The following PKDCC variants were observed in gnomAD, a reference collection of about 807,000 sequenced individuals.
PKDCC encodes extracellular tyrosine-protein kinase PKDCC.
PKDCC carries 35 observed loss-of-function variants against 44.7 expected under a neutral mutation model. The ratio of observed to expected loss-of-function variants is 0.78; its 90% CI spans 0.60 to 1.04. The LOEUF (loss-of-function observed/expected upper bound fraction) is 1.04. Among genes scored for constraint, PKDCC ranks in the 50% least tolerant of loss-of-function variants. PKDCC has a pLI of 0.00. For synonymous variants in PKDCC, 353 were observed against 303.3 expected, an observed-to-expected ratio of 1.16 and a Z score of -1.70; for missense variants, 738 against 672.7, an observed-to-expected ratio of 1.10 and a Z score of -1.07.
At chr2:42,057,463 C>T (rs1417383101) in intron 6 of PKDCC, 69 bp downstream of exon 6, 3 of 1,594,896 alleles carry the variant, frequency 1.9e-6, no homozygotes, top group African/African-American at 2.7e-5. Context: ...AGATAGTGAT[C>T]CCCCATCGGA....
At position 42,052,424 on chromosome 2, in the gene PKDCC, G is replaced by T. The variant is rs192997145; in HGVS notation, c.640-815G>T. ...AAGGATAATGTCCAACCGTATGCTC[G>T]CTTGTGTATTACCAAACAGCATTCT... On this transcript the variant is annotated intron_variant, in intron 1 of 6. Transcript: ENST00000294964. This position sits in a 1 kb window ranked among gnomAD's most constrained non-coding sequence, Gnocchi z 4.3. 6.6e-5 allele frequency among the ~76,000 whole-genome samples: 10 copies of T among 152,226 alleles called. No individual in the cohort carries two copies. Among genetic ancestry groups the T allele is most frequent in the African/African-American group, 2.4e-4 (10 of 41,518 alleles).
Position 42,058,509 on chromosome 2 carries a change from C to T in PKDCC, c.*821C>T, listed in dbSNP as rs988255472. Reference sequence around the variant, plus strand: ...AAAATTAGTTAATAAAATGATGTTTCACAGCAAACTCTTCCCTAATGACAG... The same window carrying T: ...AAAATTAGTTAATAAAATGATGTTTTACAGCAAACTCTTCCCTAATGACAG... On this transcript the variant is annotated 3_prime_UTR_variant, in exon 7 of 7. Transcript: ENST00000294964. This position sits in a 1 kb window ranked among gnomAD's most constrained non-coding sequence, Gnocchi z 4.2. 6.6e-6 allele frequency: 1 copy of T among 152,190 alleles called. No homozygotes were observed. Among genetic ancestry groups the T allele is most frequent in the African/African-American group, 2.4e-5 (1 of 41,436 alleles). The allele number at this position is 152,190 out of a possible 1,614,324, so 9.4% of individuals were successfully genotyped here.
intron 1 of PKDCC, 49 bp from the exon 2 acceptor site, chr2:42,053,190 T>TCCCCCCCCCC: frequency 3.3e-6 from 4 of 1,199,996 alleles, no homozygotes; most frequent in Non-Finnish European, 4.7e-6. Context: ...CCCTTCCCTG[T>TCCCCCCCCCC]CCCCACCCCC....
At chr2:42,050,630 C>T (rs542486833) in intron 1 of PKDCC, among the ~76,000 whole-genome samples, 1 of 152,296 alleles carries the variant, frequency 6.6e-6, no homozygotes. Flanking sequence ...AGTTTTCACC[C>T]TTCCCTCACC....
Position 42,051,007 on chromosome 2 carries a change from C to T in PKDCC, c.639+2169C>T, listed in dbSNP as rs1308972331. On this transcript the variant is annotated intron_variant, in intron 1 of 6. Coordinates refer to ENST00000294964, the MANE Select transcript of PKDCC (RefSeq NM_138370.3). This position sits in a 1 kb window ranked among gnomAD's most constrained non-coding sequence, Gnocchi z 4.2. ...TCTGAGTTATTTAAAATTTCAAAAC[C>T]ATTTGACTGTTTGCTGAACTGGGGA... 3.3e-5 allele frequency among the ~76,000 whole-genome samples: 5 copies of T among 152,084 alleles called. No homozygotes were observed. The highest frequency in any genetic ancestry group is 1.2e-4 in the African/African-American group (5 of 41,386).
In PKDCC at chr2:42,055,130, T is replaced by C; in HGVS notation, c.1114+110T>C. Reference sequence around the variant, plus strand: ...CAGCAGGGGTTCTAGAAACCATCACTTCCTAAGGTGGCATTCTGCCGCAAC... The same window carrying C: ...CAGCAGGGGTTCTAGAAACCATCACCTCCTAAGGTGGCATTCTGCCGCAAC... On this transcript the variant is annotated intron_variant, in intron 4 of 6. Transcript: ENST00000294964. This position sits in a 1 kb window ranked among gnomAD's most constrained non-coding sequence, Gnocchi z 4.5. 1 of 1,344,306 alleles carries C rather than the reference T, an allele frequency of 7.4e-7. No homozygotes were observed. 83.3% of individuals were successfully genotyped at this position (1,344,306 alleles called of 1,614,324 possible). A position where few individuals can be genotyped will look rare whatever the true frequency, so the allele number is the denominator to read the frequency against.
chr2:42,056,501 G>A (rs939298761), intron 5 of PKDCC, among the ~76,000 whole-genome samples: 4 of 152,128 alleles, frequency 2.6e-5, no homozygotes, highest in Non-Finnish European at 5.9e-5. Flanking sequence ...TCTCCCCAAG[G>A]CCAGGAGAAA....
rs922195559 is a variant in PKDCC, at chr2:42,052,642, G to A, written c.640-597G>A. 1.3e-5 allele frequency among the ~76,000 whole-genome samples: 2 copies of A among 151,938 alleles called. No homozygotes were observed. Among genetic ancestry groups the A allele is most frequent in the Non-Finnish European group, 2.9e-5 (2 of 67,984 alleles). On this transcript the variant is annotated intron_variant, in intron 1 of 6. Transcript: ENST00000294964. The surrounding 1 kb of genome is among the most constrained non-coding windows in gnomAD (Gnocchi z 4.3). ...CAAGCGCCTGTAATCCCAGCTACTC[G>A]GGAGGCTGAGGCAGGAGAATCGCCC...
At chr2:42,056,059 G>A (rs1668048307) in intron 5 of PKDCC, among the ~76,000 whole-genome samples, 1 of 152,170 alleles carries the variant, frequency 6.6e-6, no homozygotes, top group Non-Finnish European at 1.5e-5. Flanking sequence ...TTAGGGGTGG[G>A]GGAGCCCTGT....
chr2:42,056,665 G>C (rs945554763), intron 5 of PKDCC, among the ~76,000 whole-genome samples: 4 of 151,964 alleles, frequency 2.6e-5, no homozygotes, highest in Non-Finnish European at 5.9e-5. Context: ...TCGGGAGGCT[G>C]AGATGGGAGG....
chr2:42,053,592 A>G (rs1368310302), intron 2 of PKDCC: 1 of 585,758 alleles, frequency 1.7e-6, no homozygotes, highest in Non-Finnish European at 2.9e-6. Context: ...GCGCGTGTAC[A>G]CACCAGCTTG....
At position 42,049,833 on chromosome 2, in the gene PKDCC, A is replaced by AG. The variant is rs1339287947; in HGVS notation, c.639+999dup. On this transcript the variant is annotated intron_variant, in intron 1 of 6. Transcript: ENST00000294964. ...CCTTTGCACATGTCTGAGCAAACAG[A>AG]GGGGAATCCCTGACCGCTGTTGGCC... is the stretch of plus-strand genomic sequence containing the variant. 2.6e-5 allele frequency among the ~76,000 whole-genome samples: 4 copies of AG among 152,058 alleles called. No individual in the cohort carries two copies. The East Asian group carries it at 5.8e-4, about 22-fold the overall frequency.
At chr2:42,057,530 A>G (rs1668077850) in intron 6 of PKDCC, 73 bp from the exon 7 acceptor site, 2 of 1,570,846 alleles carry the variant, frequency 1.3e-6, no homozygotes, top group African/African-American at 2.7e-5. Context: ...CAAGGCAGTC[A>G]AATTAGGGAG....
Position 42,048,935 on chromosome 2 carries a change from G to T in PKDCC, c.639+97G>T. 7.4e-7 allele frequency: 1 copy of T among 1,345,852 alleles called. No homozygotes were observed. The highest frequency in any genetic ancestry group is 9.6e-7 in the Non-Finnish European group (1 of 1,044,898). 83.4% of individuals were successfully genotyped at this position (1,345,852 alleles called of 1,614,324 possible). On this transcript the variant is annotated intron_variant, in intron 1 of 6. Transcript: ENST00000294964. The surrounding 1 kb of genome is among the most constrained non-coding windows in gnomAD (Gnocchi z 6.2). ...GAGAACCCCTTGATCTGGAGTGCCAGTGACTGCACCCAGGCTAAGCTAGAC... is the reference window on the plus strand; with the variant it reads ...GAGAACCCCTTGATCTGGAGTGCCATTGACTGCACCCAGGCTAAGCTAGAC...
Position 42,048,568 on chromosome 2 carries a change from C to G in PKDCC, c.369C>G (p.Ser123=), listed in dbSNP as rs1300598994. The change falls in exon 1 of 7, where the codon TCC becomes TCG. Residue 123 remains serine (S), a synonymous_variant. Coordinates refer to ENST00000294964, the MANE Select transcript of PKDCC (RefSeq NM_138370.3). The surrounding 1 kb of genome is among the most constrained non-coding windows in gnomAD (Gnocchi z 6.2). ...GGCCCCCGGCTCCCGGCCCAGGCTC[C>G]CCCGGCCCGGGCCCGCGCCTGGGCT... ...PGWPPAPGPG[S]PGPGPRLGCA... 8.9e-6 allele frequency: 12 copies of G among 1,348,034 alleles called. No individual in the cohort carries two copies. In the East Asian group the frequency reaches 1.8e-4, roughly 21 times the overall value. The allele number at this position is 1,348,034 out of a possible 1,614,324, so 83.5% of individuals were successfully genotyped here. A position where few individuals can be genotyped will look rare whatever the true frequency, so the allele number is the denominator to read the frequency against.
rs1668082315 is a variant in PKDCC at position 42,057,727 on chromosome 2, G to C, written c.*39G>C. 3 of 1,575,530 alleles carry C rather than the reference G, an allele frequency of 1.9e-6. No homozygotes were observed. Among genetic ancestry groups the C allele is most frequent in the Non-Finnish European group, 2.6e-6 (3 of 1,148,286 alleles). On this transcript the variant is annotated 3_prime_UTR_variant, in exon 7 of 7. Transcript: ENST00000294964. ...TCGGCTGACCAGCTGACTATCCTCA[G>C]CAGCTGGGCTTGCCTGTGGAGGGAG...
chr2:42,053,844 G>C (rs1668008507), intron 2 of PKDCC, among the ~76,000 whole-genome samples, 192 bp from the exon 3 acceptor site: 1 of 152,122 alleles, frequency 6.6e-6, no homozygotes, highest in African/African-American at 2.4e-5. Flanking sequence ...GGCCAGCCGA[G>C]AGTTAATAGA....
In PKDCC at chr2:42,057,853, C is replaced by T; in HGVS notation, c.*165C>T. ...GACCAGGACAAACGTGCAATAATGC[C>T]AAATGTTAAAATGTGAGTTTACCAG... On this transcript the variant is annotated 3_prime_UTR_variant, in exon 7 of 7. Coordinates refer to ENST00000294964, the MANE Select transcript of PKDCC (RefSeq NM_138370.3). 1 of 619,402 alleles carries T rather than the reference C, an allele frequency of 1.6e-6. No homozygotes were observed. Among genetic ancestry groups the T allele is most frequent in the Non-Finnish European group, 2.8e-6 (1 of 355,372 alleles). 38.4% of individuals were successfully genotyped at this position (619,402 alleles called of 1,614,324 possible).
In PKDCC at chr2:42,054,752, A is replaced by C; in HGVS notation, c.1035-189A>C. 1 of 662,596 alleles carries C rather than the reference A, an allele frequency of 1.5e-6. No homozygotes were observed. The highest frequency in any genetic ancestry group is 2.7e-6 in the Non-Finnish European group (1 of 368,314). 41.0% of individuals were successfully genotyped at this position (662,596 alleles called of 1,614,324 possible). On this transcript the variant is annotated intron_variant, in intron 3 of 6. Coordinates refer to ENST00000294964, the MANE Select transcript of PKDCC (RefSeq NM_138370.3). The surrounding 1 kb of genome is among the most constrained non-coding windows in gnomAD (Gnocchi z 6.1). ...CCCTGGTTTCGGTTAGTATGAAGTT[A>C]GGTGTGGTGTTAGCATGTGCCCAGA...
Sources: allele counts gnomAD v4.1 joint callset (sites outside exome capture counted in the v4.1 genomes callset), GRCh38; gene constraint gnomAD v4.1.1; non-coding constraint Gnocchi (gnomAD v3.1); transcripts MANE v1.5; gene names NCBI Gene and HGNC (gene_info 2026-07-23, HGNC 2026-07-21).